Variants in MED12L observed in about 807,000 individuals in gnomAD.
MED12L encodes mediator complex subunit 12L.
In MED12L, 60 loss-of-function variants were observed where a neutral mutation model predicts 281.3. The ratio of observed to expected loss-of-function variants is 0.21; its 90% CI spans 0.17 to 0.26. The LOEUF (loss-of-function observed/expected upper bound fraction) is 0.26, where lower values mean the gene tolerates loss of function less well. MED12L is among the 10% of genes least tolerant of loss of function. The pLI, the probability that MED12L is intolerant of heterozygous loss-of-function variation, is 1.00. For synonymous variants in MED12L, 974 were observed against 987.2 expected (o/e 0.99, Z 0.25); for missense variants, 2,146 against 2,680.9 (o/e 0.80, Z 4.41).
chr3:151,256,323 C>T (rs1200277677), intron 16 of MED12L, among the ~76,000 whole-genome samples: 2 of 152,140 alleles, frequency 1.3e-5, no homozygotes, highest in African/African-American at 4.8e-5. Flanking sequence ...CTTCTCGGAG[C>T]TTTACATTTT....
chr3:151,309,823 C>T (rs766943884), intron 16 of MED12L, among the ~76,000 whole-genome samples: 1 of 152,184 alleles, frequency 6.6e-6, no homozygotes, highest in Non-Finnish European at 1.5e-5. Flanking sequence ...TACTATTAGG[C>T]AGTCATGGAA....
chr3:151,303,209 A>G (rs1022776052), intron 16 of MED12L, among the ~76,000 whole-genome samples: 1 of 152,210 alleles, frequency 6.6e-6, no homozygotes, highest in Admixed American at 6.5e-5. Flanking sequence ...CCTCCCAGGT[A>G]TTTGACTATA....
intron 37 of MED12L, 61 bp downstream of exon 37, chr3:151,388,233 G>C (rs1713726425): frequency 6.6e-7 from 1 of 1,517,770 alleles, no homozygotes; most frequent in East Asian, 2.3e-5. Context: ...ATTTACTCGT[G>C]CCCAAATCAT....
intron 5 of MED12L, among the ~76,000 whole-genome samples, chr3:151,151,031 C>CTTTTTTTTTTTT (rs573419924): frequency 0.11 from 3,641 of 32,804 alleles, 1,500 homozygotes; most frequent in Non-Finnish European, 0.13. Context: ...GCTGAAGTAG[C>CTTTTTTTTTTTT]TTTTTTTTTT....
chr3:151,227,424 G>A (rs1251908177), intron 16 of MED12L, among the ~76,000 whole-genome samples: 1 of 152,082 alleles, frequency 6.6e-6, no homozygotes, highest in Admixed American at 6.5e-5. Flanking sequence ...GGTAAGGGGG[G>A]ACGGATTAGG....
chr3:151,363,902 T>G (rs192033384), intron 21 of MED12L, among the ~76,000 whole-genome samples: 1 of 152,158 alleles, frequency 6.6e-6, no homozygotes. Context: ...CTTAAAGCTA[T>G]TGACAGTGGC....
chr3:151,101,091 T>C (rs944129734), intron 2 of MED12L, among the ~76,000 whole-genome samples: 7 of 152,234 alleles, frequency 4.6e-5, no homozygotes, highest in Non-Finnish European at 7.3e-5. Context: ...GCACATTTTA[T>C]GTTGAGGACC....
intron 43 of MED12L, among the ~76,000 whole-genome samples, chr3:151,420,479 A>T (rs1474444934): frequency 6.6e-6 from 1 of 152,114 alleles, no homozygotes; most frequent in Non-Finnish European, 1.5e-5. Context: ...GATCACTAGG[A>T]GTGATGGTGA....
At position 151,334,191 on chromosome 3, in the gene MED12L, TC is replaced by T. The variant is rs751320317; in HGVS notation, c.2251-15867del. Among the ~76,000 whole-genome samples, 237 of 82,760 alleles carry T rather than the reference TC, an allele frequency of 2.9e-3. 10 individuals carry two copies. The highest frequency in any genetic ancestry group is 0.012 in the African/African-American group (200 of 16,988). 54.3% of individuals were successfully genotyped at this position (82,760 alleles called of 152,430 possible). A position where few individuals can be genotyped will look rare whatever the true frequency, so the allele number is the denominator to read the frequency against. Reference sequence around the variant, plus strand: ...TGATGTTATGTGTTTTTTCTTTCTTTCTTTCTTTTTTTTTTTGCCATTTCTA... The same window carrying T: ...TGATGTTATGTGTTTTTTCTTTCTTTTTTCTTTTTTTTTTTGCCATTTCTA... On this transcript the variant is annotated intron_variant, in intron 16 of 44. Transcript: ENST00000687756.
At position 151,183,232 on chromosome 3, in the gene MED12L, T is replaced by G. The variant is rs552310223; in HGVS notation, c.1495-2098T>G. On this transcript the variant is annotated intron_variant, in intron 11 of 44. Coordinates refer to ENST00000687756, the MANE Select transcript of MED12L (RefSeq NM_001393769.1). ...AGTTAACAGTGTGACTATATGAAGGTTCAAGACCATGCCTCTCGTAAAACC... is the reference window on the plus strand; with the variant it reads ...AGTTAACAGTGTGACTATATGAAGGGTCAAGACCATGCCTCTCGTAAAACC... Among the ~76,000 whole-genome samples, 3 of 152,312 alleles carry G rather than the reference T, an allele frequency of 2.0e-5. No homozygotes were observed. In the East Asian group the frequency reaches 5.8e-4, roughly 29 times the overall value.
Position 151,394,531 on chromosome 3 carries a change from G to A in MED12L, c.5609-125G>A. The A allele has an allele frequency of 2.1e-6, 3 of 1,438,002 alleles. No homozygotes were observed. The South Asian group carries it at 4.1e-5, about 20-fold the overall frequency. 89.1% of individuals were successfully genotyped at this position (1,438,002 alleles called of 1,614,324 possible). On this transcript the variant is annotated intron_variant, in intron 38 of 44. Transcript: ENST00000687756. Reference sequence around the variant, plus strand: ...TATAATATTTGTGGCAGGTGGGACAGTGCATTTTTTTCTACTTTGTTCATA... The same window carrying A: ...TATAATATTTGTGGCAGGTGGGACAATGCATTTTTTTCTACTTTGTTCATA...
Position 151,185,471 on chromosome 3 carries a change from A to G in MED12L, c.1626+10A>G. The G allele has an allele frequency of 6.2e-7, 1 of 1,613,096 alleles. No individual in the cohort carries two copies. Among genetic ancestry groups the G allele is most frequent in the South Asian group, 1.1e-5 (1 of 90,942 alleles). ...AGAAATTGAGGCAGAGGTAGGTTCC[A>G]TTTTCTTTCTGCTTGTTGAATGCCG... is the stretch of plus-strand genomic sequence containing the variant. On this transcript the variant is annotated intron_variant, in intron 12 of 44. Transcript: ENST00000687756.
chr3:151,392,467 G>GAAAAAAAA (rs200781609), intron 38 of MED12L, among the ~76,000 whole-genome samples: 2 of 95,860 alleles, frequency 2.1e-5, no homozygotes, highest in African/African-American at 4.8e-5. Flanking sequence ...TCCATCTCAA[G>GAAAAAAAA]AAAAAAAAAA....
chr3:151,372,660 T>G lies in MED12L; in HGVS notation c.3758T>G (p.Ile1253Ser), dbSNP rs1354803301. The G allele has an allele frequency of 2.5e-6, 4 of 1,613,838 alleles. No homozygotes were observed. The highest frequency in any genetic ancestry group is 2.5e-6 in the Non-Finnish European group (3 of 1,179,858). Reference protein sequence around the residue: ...GLRCDGNADDIWTASQNPKSC... With the variant: ...GLRCDGNADDSWTASQNPKSC... ...CGATGTGATGGGAATGCTGATGATA[T>G]CTGGACTGCCTCACAAAATCCAAAA... Residue 1253 changes from isoleucine to serine, a missense_variant, in exon 27 of 45, where the codon ATC becomes AGC. Around this residue, in one of 9 missense-constraint regions of MED12L, gnomAD observed 235 missense variants for 260.3 expected, o/e 0.90. Coordinates refer to ENST00000687756, the MANE Select transcript of MED12L (RefSeq NM_001393769.1).
Position 151,151,031 on chromosome 3 carries a change from CTTTTTTTTT to C in MED12L, c.557-5115_557-5107del, listed in dbSNP as rs573419924. ...ATCATTTGTATGACTGCTGAAGTAG[CTTTTTTTTT>C]TTTTTTTTTTTTTTGAGATAGAGTC... On this transcript the variant is annotated intron_variant, in intron 5 of 44. Coordinates refer to ENST00000687756, the MANE Select transcript of MED12L (RefSeq NM_001393769.1). 0.017 allele frequency among the ~76,000 whole-genome samples: 546 copies of C among 32,928 alleles called. 72 individuals carry two copies. The Admixed American group carries it at 0.19, about 12-fold the overall frequency. 21.6% of individuals were successfully genotyped at this position (32,928 alleles called of 152,430 possible).
At chr3:151,355,056 TC>T (rs1338802827) in intron 17 of MED12L, 64 bp from the exon 18 acceptor site, 13 of 1,141,798 alleles carry the variant, frequency 1.1e-5, no homozygotes, top group African/African-American at 3.1e-5. Context: ...AAAAAAAGTA[TC>T]CATTAAAAAT....
chr3:151,409,299 G>C lies in MED12L; in HGVS notation c.5877G>C (p.Gln1959His), dbSNP rs201605378. 4.7e-5 allele frequency: 76 copies of C among 1,613,744 alleles called. No individual in the cohort carries two copies. Among genetic ancestry groups the C allele is most frequent in the Non-Finnish European group, 8.5e-6 (10 of 1,179,980 alleles). ...CTGCGCAAGCACGGCCCTCCCCTCA[G>C]CTCCCTCAGTATCCAGGGCTGCAGC... ...LFAAQARPSP[Q>H]LPQYPGLQQA... is the part of the protein sequence containing the mutation. Residue 1959 changes from glutamine to histidine, a missense_variant, in exon 40 of 45, where the codon CAG becomes CAC. Gln to His is a conservative substitution (Grantham distance 24). Coordinates refer to ENST00000687756, the MANE Select transcript of MED12L (RefSeq NM_001393769.1).
intron 17 of MED12L, among the ~76,000 whole-genome samples, chr3:151,352,245 T>C (rs1753322800): frequency 6.6e-6 from 1 of 152,226 alleles, no homozygotes; most frequent in Non-Finnish European, 1.5e-5. Context: ...TTTCTACTTG[T>C]GACATTATGT....
intron 32 of MED12L, among the ~76,000 whole-genome samples, chr3:151,381,971 G>A (rs1375929824): frequency 6.6e-6 from 1 of 152,108 alleles, no homozygotes; most frequent in Non-Finnish European, 1.5e-5. Flanking sequence ...TTTGTTAGTG[G>A]TTTTTTGTTT....
Sources: allele counts gnomAD v4.1 joint callset (sites outside exome capture counted in the v4.1 genomes callset), GRCh38; gene constraint gnomAD v4.1.1; regional missense constraint gnomAD v4.1.1; transcripts MANE v1.5; gene names NCBI Gene and HGNC (gene_info 2026-07-23, HGNC 2026-07-21).